ZNF536: variants seen among roughly 807,000 people sequenced by gnomAD.
ZNF536 encodes the protein zinc finger protein 536.
In ZNF536, 13 loss-of-function variants were observed where a neutral mutation model predicts 84.5. The ratio of observed to expected loss-of-function variants is 0.15; its 90% CI spans 0.10 to 0.24. ZNF536 has a LOEUF of 0.24. Ranked by LOEUF, ZNF536 falls within the 10% of genes least tolerant of loss-of-function variation. The probability of loss-of-function intolerance (pLI) is 1.00; values close to 1 mark genes in which losing one functional copy is unlikely to be tolerated. For missense variants in ZNF536, 1,536 were observed against 1,747.5 expected (o/e 0.88, Z 2.16); for synonymous variants, 811 against 742.5 (o/e 1.09, Z -1.50).
chr19:30,337,421 C>T (rs1158288985), intron 2 of ZNF536, among the ~76,000 whole-genome samples: 3 of 152,194 alleles, frequency 2.0e-5, no homozygotes, highest in African/African-American at 4.8e-5. Context: ...CTTCCCTTTG[C>T]CGAACTTAGG....
chr19:30,289,219 C>T (rs1309000724), intron 2 of ZNF536, among the ~76,000 whole-genome samples: 1 of 152,196 alleles, frequency 6.6e-6, no homozygotes, highest in Admixed American at 6.5e-5. Flanking sequence ...TCCACCCCCT[C>T]ACAAATGAGA....
chr19:30,277,317 A>G (rs1333571014), intron 1 of ZNF536, among the ~76,000 whole-genome samples: 2 of 152,166 alleles, frequency 1.3e-5, no homozygotes, highest in Non-Finnish European at 2.9e-5. Context: ...GCATGTAAAA[A>G]TACATGCACA....
chr19:30,525,841 G>A (rs1389383319), intron 2 of ZNF536, among the ~76,000 whole-genome samples: 2 of 152,206 alleles, frequency 1.3e-5, no homozygotes, highest in African/African-American at 4.8e-5. Flanking sequence ...AGAAAGGTGA[G>A]GGTTGGAGTG....
intron 2 of ZNF536, among the ~76,000 whole-genome samples, chr19:30,513,732 A>G (rs2055516031): frequency 6.6e-6 from 1 of 152,150 alleles, no homozygotes; most frequent in Non-Finnish European, 1.5e-5. Flanking sequence ...GTGGGACTCC[A>G]GAAACACAGC....
At chr19:30,350,810 T>G (rs2047907749) in intron 2 of ZNF536, among the ~76,000 whole-genome samples, 1 of 152,216 alleles carries the variant, frequency 6.6e-6, no homozygotes, top group African/African-American at 2.4e-5. Flanking sequence ...AATGTCAGCT[T>G]GCTAGACCTG....
intron 1 of ZNF536, among the ~76,000 whole-genome samples, chr19:30,707,670 T>G (rs1415263608): frequency 6.6e-6 from 1 of 152,156 alleles, no homozygotes; most frequent in Non-Finnish European, 1.5e-5. Flanking sequence ...AGCCTTGTCT[T>G]AGGGACAACA....
chr19:30,384,999 G>A (rs892032), intron 1 of ZNF536, among the ~76,000 whole-genome samples: 148,466 of 152,122 alleles, frequency 0.98, 72,588 homozygotes, highest in Non-Finnish European at 0.99. Flanking sequence ...CAGCCTGGGC[G>A]ACAGAGTGAG....
chr19:30,573,969 C>A (rs1164238126), intron 1 of ZNF536, among the ~76,000 whole-genome samples: 2 of 152,198 alleles, frequency 1.3e-5, no homozygotes, highest in East Asian at 1.9e-4. Context: ...TTTCCAAAAT[C>A]CCAGTTTTTG....
At chr19:30,303,922 G>C (rs928973385) in intron 2 of ZNF536, among the ~76,000 whole-genome samples, 6 of 152,186 alleles carry the variant, frequency 3.9e-5, no homozygotes, top group Non-Finnish European at 8.8e-5. Flanking sequence ...TCACTGGTGT[G>C]TGTCTAGTCT....
chr19:30,388,485 T>C (rs1340070340), intron 1 of ZNF536, among the ~76,000 whole-genome samples: 1 of 152,050 alleles, frequency 6.6e-6, no homozygotes, highest in Non-Finnish European at 1.5e-5. Context: ...AAGGTGGGAG[T>C]TCCACCCCAC....
At chr19:30,534,716 G>C in intron 2 of ZNF536, 131 bp from the exon 3 acceptor site, 1 of 928,602 alleles carries the variant, frequency 1.1e-6, no homozygotes, top group Non-Finnish European at 1.5e-6. Context: ...TCAGCATTCT[G>C]TCAGATTTAA....
At chr19:30,639,502 C>G (rs1022325157) in intron 1 of ZNF536, among the ~76,000 whole-genome samples, 1 of 152,212 alleles carries the variant, frequency 6.6e-6, no homozygotes, top group Non-Finnish European at 1.5e-5. Flanking sequence ...TGGCCGTCAG[C>G]TACCCTGGCA....
At chr19:30,317,086 C>A (rs529617344) in intron 2 of ZNF536, among the ~76,000 whole-genome samples, 3 of 152,158 alleles carry the variant, frequency 2.0e-5, no homozygotes, top group Non-Finnish European at 2.9e-5. Flanking sequence ...GCTCTGATAG[C>A]CTGTAGTTCA....
intron 2 of ZNF536, among the ~76,000 whole-genome samples, chr19:30,298,203 C>G (rs2046069914): frequency 1.3e-5 from 2 of 152,138 alleles, no homozygotes; most frequent in Non-Finnish European, 2.9e-5. Flanking sequence ...AGGAATCCCA[C>G]CGGGTCCTCT....
At chr19:30,227,606 C>A (rs2022686094), upstream of ZNF536, among the ~76,000 whole-genome samples, 1 of 151,846 alleles carries the variant, frequency 6.6e-6, no homozygotes, top group Non-Finnish European at 1.5e-5. Context: ...GCACCCGGTG[C>A]GTCCTGGGGG....
At chr19:30,670,981 C>T (rs2050529832) in intron 1 of ZNF536, among the ~76,000 whole-genome samples, 1 of 152,210 alleles carries the variant, frequency 6.6e-6, no homozygotes, top group Non-Finnish European at 1.5e-5. Context: ...AGGGCCCAGC[C>T]TCAGGCTTCC....
intron 1 of ZNF536, among the ~76,000 whole-genome samples, chr19:30,440,875 T>C (rs1007525095): frequency 4.8e-5 from 7 of 146,762 alleles, no homozygotes; most frequent in Non-Finnish European, 7.5e-5. Context: ...TTGTTAACTC[T>C]GGCCAGGATA....
intron 2 of ZNF536, among the ~76,000 whole-genome samples, chr19:30,466,738 AGGG>A: frequency 8.0e-6 from 1 of 124,408 alleles, no homozygotes; most frequent in African/African-American, 3.6e-5. Context: ...GGAGGGAGGG[AGGG>A]AAGGAAGAAA....
intron 1 of ZNF536, among the ~76,000 whole-genome samples, chr19:30,707,329 C>A (rs573928623): frequency 7.2e-5 from 11 of 152,156 alleles, no homozygotes; most frequent in Non-Finnish European, 1.5e-4. Context: ...AGAACAGGGA[C>A]CATTTGCATT....
Sources: gnomAD v4.1 joint callset for allele counts (sites outside exome capture counted in the v4.1 genomes callset) on GRCh38, gnomAD v4.1.1 for gene constraint, MANE v1.5 for transcripts, NCBI Gene and HGNC (gene_info 2026-07-23, HGNC 2026-07-21) for gene names.